The following MGMT variants were observed in gnomAD, a reference collection of about 807,000 sequenced individuals.
The protein encoded by MGMT is methylated-DNA--protein-cysteine methyltransferase.
A neutral mutation model predicts 15.9 loss-of-function variants in MGMT; 14 were observed. The ratio of observed to expected loss-of-function variants is 0.88; its 90% confidence interval spans 0.58 to 1.37. MGMT has a LOEUF of 1.37. Ranked by LOEUF, MGMT falls within the 40% of genes most tolerant of loss-of-function variation. The probability of loss-of-function intolerance (pLI) is 0.00; values close to 1 mark genes in which losing one functional copy is unlikely to be tolerated. For synonymous variants in MGMT, 130 were observed against 118.2 expected (o/e 1.10, Z -0.65); for missense variants, 282 against 268.1 (o/e 1.05, Z -0.36).
At chr10:129,740,807 G>T (rs540676921) in intron 3 of MGMT, among the ~76,000 whole-genome samples, 6 of 152,148 alleles carry the variant, frequency 3.9e-5, no homozygotes, top group Non-Finnish European at 5.9e-5. Flanking sequence ...GATGATGGGG[G>T]ACCTTGAGGA....
At chr10:129,728,474 G>T (rs897161675) in intron 3 of MGMT, among the ~76,000 whole-genome samples, 7 of 152,126 alleles carry the variant, frequency 4.6e-5, no homozygotes, top group Non-Finnish European at 8.8e-5. Context: ...GAGTTCAGGG[G>T]TCGCAGAAGA....
intron 2 of MGMT, among the ~76,000 whole-genome samples, chr10:129,559,172 C>T (rs2119805555): frequency 6.6e-6 from 1 of 152,274 alleles, no homozygotes; most frequent in African/African-American, 2.4e-5. Context: ...AGTGACTTCA[C>T]TGATACTAAG....
At chr10:129,534,074 G>T (rs78853944) in intron 1 of MGMT, among the ~76,000 whole-genome samples, 3 of 152,152 alleles carry the variant, frequency 2.0e-5, no homozygotes, top group African/African-American at 4.8e-5. Context: ...CTCTAAACTC[G>T]TGCCGACGTT....
intron 2 of MGMT, among the ~76,000 whole-genome samples, chr10:129,644,270 G>GAGTACATTGA (rs958630113): frequency 6.6e-6 from 1 of 152,192 alleles, no homozygotes; most frequent in African/African-American, 2.4e-5. Flanking sequence ...GTGAGTGAGT[G>GAGTACATTGA]AGTACATTGA....
At chr10:129,676,330 C>T (rs1023450661) in intron 2 of MGMT, among the ~76,000 whole-genome samples, 2 of 152,190 alleles carry the variant, frequency 1.3e-5, no homozygotes, top group African/African-American at 2.4e-5. Context: ...GGGCGGCACC[C>T]ACCAGTTCCT....
intron 1 of MGMT, among the ~76,000 whole-genome samples, chr10:129,502,044 C>A (rs564757602): frequency 5.9e-5 from 9 of 152,212 alleles, no homozygotes; most frequent in Non-Finnish European, 1.2e-4. Flanking sequence ...ATCAAGCTTG[C>A]ATGAATCAAG....
intron 2 of MGMT, among the ~76,000 whole-genome samples, chr10:129,704,000 A>G (rs1848129085): frequency 6.6e-6 from 1 of 152,080 alleles, no homozygotes; most frequent in Non-Finnish European, 1.5e-5. Context: ...AGCCGGGGCT[A>G]ACCCTCACTG....
In MGMT at chr10:129,600,159, AC is replaced by A. The variant is rs369971592; in HGVS notation, c.125+63783del. ...TCTCCAGGGATACAGCCTTACATCCACTGCTGGCTGCGGCTTCTCTGAGCGA... is the reference window on the plus strand; with the variant it reads ...TCTCCAGGGATACAGCCTTACATCCATGCTGGCTGCGGCTTCTCTGAGCGA... On this transcript the variant is annotated intron_variant, in intron 2 of 4. Coordinates refer to ENST00000651593, the MANE Select transcript of MGMT (RefSeq NM_002412.5). Among the ~76,000 whole-genome samples the A allele has an allele frequency of 8.7e-4, 133 of 152,284 alleles. 3 individuals carry two copies. In the East Asian group the frequency reaches 0.014, roughly 16 times the overall value.
At position 129,614,704 on chromosome 10, in the gene MGMT, C is replaced by T. The variant is rs1252364800; in HGVS notation, c.125+78327C>T. ...ATGAGCAGTGAAGGATGACTTTTGA[C>T]GAGCCATGTCAGATGTGACAGGCAA... is the stretch of plus-strand genomic sequence containing the variant. On this transcript the variant is annotated intron_variant, in intron 2 of 4. Coordinates refer to ENST00000651593, the MANE Select transcript of MGMT (RefSeq NM_002412.5). 3.9e-5 allele frequency among the ~76,000 whole-genome samples: 6 copies of T among 152,208 alleles called. No individual in the cohort carries two copies. In the East Asian group the frequency reaches 1.2e-3, roughly 29 times the overall value.
chr10:129,690,755 CA>C (rs143453304), intron 2 of MGMT, among the ~76,000 whole-genome samples: 1,668 of 152,236 alleles, frequency 0.011, 28 homozygotes, highest in African/African-American at 0.038. Flanking sequence ...GGGAGAAGGT[CA>C]GGGGGAGGCA....
In MGMT at chr10:129,627,943, C is replaced by T. The variant is rs542198898; in HGVS notation, c.126-79952C>T. Among the ~76,000 whole-genome samples the T allele has an allele frequency of 1.1e-4, 17 of 152,206 alleles. No homozygotes were observed. The South Asian group carries it at 3.3e-3, about 30-fold the overall frequency. On this transcript the variant is annotated intron_variant, in intron 2 of 4. Transcript: ENST00000651593. ...CTTCCCTGTTGTGTCCTGAGTTAGC[C>T]TTTGTTGTTCCAAGTTATTAACCAG...
At chr10:129,726,232 T>G (rs1056050332) in intron 3 of MGMT, among the ~76,000 whole-genome samples, 1 of 152,132 alleles carries the variant, frequency 6.6e-6, no homozygotes, top group South Asian at 2.1e-4. Flanking sequence ...TTGGCACAGA[T>G]GAGACTTGAA....
intron 2 of MGMT, among the ~76,000 whole-genome samples, chr10:129,688,699 A>T (rs1373141984): frequency 6.6e-6 from 1 of 152,202 alleles, no homozygotes; most frequent in Non-Finnish European, 1.5e-5. Flanking sequence ...TAGTTTAAAG[A>T]CTTCATGTCT....
chr10:129,634,790 T>G (rs1847247438), intron 2 of MGMT, among the ~76,000 whole-genome samples: 2 of 152,170 alleles, frequency 1.3e-5, no homozygotes, highest in African/African-American at 2.4e-5. Flanking sequence ...ACATCTGAGT[T>G]AGTTTTAGGT....
chr10:129,755,590 C>T (rs1293271798), intron 3 of MGMT, among the ~76,000 whole-genome samples: 3 of 152,206 alleles, frequency 2.0e-5, no homozygotes, highest in Admixed American at 6.5e-5. Flanking sequence ...GACAGGTCAC[C>T]ACCCATGGAG....
intron 1 of MGMT, among the ~76,000 whole-genome samples, chr10:129,531,901 T>C (rs1845937331): frequency 6.6e-6 from 1 of 152,184 alleles, no homozygotes; most frequent in African/African-American, 2.4e-5. Context: ...AGGAATTCAC[T>C]TCCTCATGCT....
At chr10:129,730,448 C>G (rs949087645) in intron 3 of MGMT, among the ~76,000 whole-genome samples, 1 of 152,178 alleles carries the variant, frequency 6.6e-6, no homozygotes, top group Non-Finnish European at 1.5e-5. Context: ...CGTATTCATT[C>G]TACTGCAGAG....
chr10:129,746,030 TC>T (rs1848690850), intron 3 of MGMT, among the ~76,000 whole-genome samples: 1 of 152,002 alleles, frequency 6.6e-6, no homozygotes, highest in Admixed American at 6.6e-5. Flanking sequence ...GGTCAGGAGA[TC>T]GACTGCATCC....
intron 2 of MGMT, among the ~76,000 whole-genome samples, chr10:129,552,878 G>A (rs1846174000): frequency 6.6e-6 from 1 of 152,020 alleles, no homozygotes. Flanking sequence ...TTTTTTTCCT[G>A]GCTTTTTCAT....
Sources: allele counts gnomAD v4.1 joint callset (sites outside exome capture counted in the v4.1 genomes callset), GRCh38; gene constraint gnomAD v4.1.1; transcripts MANE v1.5; gene names NCBI Gene and HGNC (gene_info 2026-07-23, HGNC 2026-07-21).